The following GRID1 variants were observed in gnomAD, a reference collection of about 807,000 sequenced individuals.
The protein encoded by GRID1 is glutamate ionotropic receptor delta type subunit 1, also known as glutamate receptor ionotropic, delta-1.
GRID1 carries 28 observed loss-of-function variants against 98.0 expected under a neutral mutation model. That is an observed-to-expected ratio of 0.29 (90% CI 0.21 to 0.39). The LOEUF (loss-of-function observed/expected upper bound fraction) is 0.39. Among genes scored for constraint, GRID1 ranks in the 10% least tolerant of loss-of-function variants. GRID1 has a pLI of 1.00. For missense variants in GRID1, 1,111 were observed against 1,340.5 expected, an observed-to-expected ratio of 0.83 and a Z score of 2.67; for synonymous variants, 553 against 538.5, an observed-to-expected ratio of 1.03 and a Z score of -0.37.
chr10:86,357,187 C>G (rs1848544291), intron 2 of GRID1, among the ~76,000 whole-genome samples: 1 of 152,236 alleles, frequency 6.6e-6, no homozygotes, highest in African/African-American at 2.4e-5. Flanking sequence ...CTTTCTCAAC[C>G]ATGGCCATTG....
At chr10:85,868,829 T>G (rs893391591) in intron 6 of GRID1, among the ~76,000 whole-genome samples, 181 bp downstream of exon 6, 1 of 152,192 alleles carries the variant, frequency 6.6e-6, no homozygotes, top group Non-Finnish European at 1.5e-5. Flanking sequence ...ACAACAGGCA[T>G]AATTGCCTGC....
chr10:86,168,132 T>A (rs919023599), intron 3 of GRID1, among the ~76,000 whole-genome samples: 1 of 152,104 alleles, frequency 6.6e-6, no homozygotes, highest in Admixed American at 6.5e-5. Flanking sequence ...CGGGGCAAGG[T>A]GAGCCTGCAT....
intron 2 of GRID1, among the ~76,000 whole-genome samples, chr10:86,313,561 G>A (rs573588318): frequency 6.6e-6 from 1 of 152,208 alleles, no homozygotes; most frequent in Non-Finnish European, 1.5e-5. Context: ...AGCCACCAGG[G>A]GAGTCTCCGT....
At chr10:85,661,619 C>T (rs986510385) in intron 12 of GRID1, among the ~76,000 whole-genome samples, 1 of 152,130 alleles carries the variant, frequency 6.6e-6, no homozygotes, top group Non-Finnish European at 1.5e-5. Flanking sequence ...AGCTTGTCCC[C>T]AAGTCACACC....
intron 2 of GRID1, among the ~76,000 whole-genome samples, chr10:86,305,886 G>A (rs1272505860): frequency 6.6e-6 from 1 of 152,148 alleles, no homozygotes; most frequent in Non-Finnish European, 1.5e-5. Flanking sequence ...AGGAACTTGA[G>A]GCTTAAGGAG....
At chr10:85,714,183 T>A (rs1841612642) in intron 12 of GRID1, among the ~76,000 whole-genome samples, 1 of 151,994 alleles carries the variant, frequency 6.6e-6, no homozygotes, top group African/African-American at 2.4e-5. Context: ...ATGTTTTTAC[T>A]TATAAATGGA....
chr10:85,726,809 G>A (rs553960460), intron 10 of GRID1, among the ~76,000 whole-genome samples: 16 of 152,184 alleles, frequency 1.1e-4, no homozygotes, highest in South Asian at 2.1e-4. Context: ...TATCAATGGC[G>A]TGACGGAAGT....
At chr10:85,616,501 A>G (rs1290106984) in intron 14 of GRID1, among the ~76,000 whole-genome samples, 1 of 152,188 alleles carries the variant, frequency 6.6e-6, no homozygotes, top group East Asian at 1.9e-4. Flanking sequence ...GATCCTGTGC[A>G]ATGTCAGGCA....
At chr10:85,820,695 CACA>C (rs1442884047) in intron 8 of GRID1, among the ~76,000 whole-genome samples, 1 of 151,894 alleles carries the variant, frequency 6.6e-6, no homozygotes, top group African/African-American at 2.4e-5. Flanking sequence ...TTATAAAAGC[CACA>C]ACAAGATACC....
chr10:85,739,848 C>A (rs1161348667), intron 8 of GRID1, among the ~76,000 whole-genome samples: 3 of 152,034 alleles, frequency 2.0e-5, no homozygotes, highest in Non-Finnish European at 4.4e-5. Flanking sequence ...AAGCTTATTT[C>A]TTTTTGTGAG....
intron 4 of GRID1, among the ~76,000 whole-genome samples, chr10:85,994,492 C>T (rs1291685109): frequency 6.6e-6 from 1 of 152,238 alleles, no homozygotes; most frequent in Non-Finnish European, 1.5e-5. Flanking sequence ...GGGGACCACA[C>T]AGAACCCTAG....
intron 2 of GRID1, among the ~76,000 whole-genome samples, chr10:86,230,362 T>C (rs1281007730): frequency 1.3e-5 from 2 of 152,172 alleles, no homozygotes; most frequent in Non-Finnish European, 2.9e-5. Flanking sequence ...GAAATGAGTC[T>C]CCAGTGGGGA....
At chr10:86,141,269 A>G (rs571503783) in intron 3 of GRID1, among the ~76,000 whole-genome samples, 2 of 152,280 alleles carry the variant, frequency 1.3e-5, no homozygotes, top group Admixed American at 1.3e-4. Context: ...CAGAGAGGCA[A>G]CTCAGTCTCC....
intron 2 of GRID1, among the ~76,000 whole-genome samples, chr10:86,280,074 A>T (rs1847335882): frequency 6.6e-6 from 1 of 152,144 alleles, no homozygotes; most frequent in Admixed American, 6.6e-5. Flanking sequence ...ATAGTGGTGC[A>T]CATCTTTACT....
At chr10:85,773,705 G>A (rs1212350869) in intron 8 of GRID1, among the ~76,000 whole-genome samples, 2 of 152,200 alleles carry the variant, frequency 1.3e-5, no homozygotes, top group African/African-American at 2.4e-5. Context: ...GCCAAATCAT[G>A]AGTGAACTCT....
At chr10:85,722,303 T>C (rs988553468) in intron 12 of GRID1, among the ~76,000 whole-genome samples, 7 of 152,220 alleles carry the variant, frequency 4.6e-5, no homozygotes, top group Admixed American at 6.5e-5. Flanking sequence ...AAGCCAATAT[T>C]GTACCCAATG....
At chr10:86,255,132 C>T (rs1406445988) in intron 2 of GRID1, among the ~76,000 whole-genome samples, 1 of 152,260 alleles carries the variant, frequency 6.6e-6, no homozygotes, top group African/African-American at 2.4e-5. Context: ...TTGTCCCCCA[C>T]TCCCTGGGGA....
chr10:86,219,202 A>G (rs896831361), intron 2 of GRID1, among the ~76,000 whole-genome samples: 46 of 152,298 alleles, frequency 3.0e-4, no homozygotes, highest in African/African-American at 9.4e-4. Context: ...AAGCCTGCCA[A>G]TGGGCAGGTC....
At chr10:86,178,734 G>A (rs1589399747) in intron 3 of GRID1, among the ~76,000 whole-genome samples, 1 of 152,104 alleles carries the variant, frequency 6.6e-6, no homozygotes, top group African/African-American at 2.4e-5. Flanking sequence ...CCTTTGAGAG[G>A]CTCTGATTTC....
Sources: allele counts gnomAD v4.1 joint callset (sites outside exome capture counted in the v4.1 genomes callset), GRCh38; gene constraint gnomAD v4.1.1; transcripts MANE v1.5; gene names NCBI Gene and HGNC (gene_info 2026-07-23, HGNC 2026-07-21).